The following RGS8 variants were observed in gnomAD, a reference collection of about 807,000 sequenced individuals.
RGS8 encodes the protein regulator of G-protein signaling 8.
RGS8 carries 8 observed loss-of-function variants against 21.7 expected under a neutral mutation model. The observed-to-expected ratio is 0.37, with a 90% CI of 0.22 to 0.66. The LOEUF (loss-of-function observed/expected upper bound fraction) is 0.66, where lower values mean the gene tolerates loss of function less well. Ranked by LOEUF, RGS8 falls within the 30% of genes least tolerant of loss-of-function variation. The probability of loss-of-function intolerance (pLI) is 0.59; values close to 1 mark genes in which losing one functional copy is unlikely to be tolerated. For synonymous variants in RGS8, 80 were observed against 83.6 expected (o/e 0.96, Z 0.24); for missense variants, 157 against 217.9 (o/e 0.72, Z 1.76).
the RGS8 span, among the ~76,000 whole-genome samples, chr1:182,739,427 A>G: frequency 6.6e-6 from 1 of 152,296 alleles, no homozygotes; most frequent in East Asian, 1.9e-4. Context: ...ACGTGGGGGA[A>G]CTGATGTTCT....
the RGS8 span, among the ~76,000 whole-genome samples, chr1:182,694,647 A>C: frequency 3.3e-5 from 5 of 152,222 alleles, no homozygotes; most frequent in African/African-American, 1.2e-4. Context: ...TCTCTACTAA[A>C]AATACAAAAA....
intron 5 of RGS8, 117 bp from the exon 7 acceptor site, chr1:182,648,420 C>T (rs1662809339): frequency 9.9e-7 from 1 of 1,008,208 alleles, no homozygotes; most frequent in Non-Finnish European, 1.5e-6. Flanking sequence ...AAGCTCACTG[C>T]TCCTCCACAC....
upstream of RGS8, among the ~76,000 whole-genome samples, chr1:182,676,419 A>G (rs1206897538): frequency 6.6e-6 from 1 of 152,168 alleles, no homozygotes; most frequent in African/African-American, 2.4e-5. Context: ...TTTAAAAGCA[A>G]TTTCCACTTC....
chr1:182,669,500 C>T (rs533333621), intron 3 of RGS8, 124 bp downstream of exon 4: 100 of 1,390,754 alleles, frequency 7.2e-5, no homozygotes, highest in Middle Eastern at 2.0e-4. Context: ...CCTATGGGGA[C>T]AGATGAAAGT....
the RGS8 span, among the ~76,000 whole-genome samples, chr1:182,711,695 C>T: frequency 1.3e-5 from 2 of 152,194 alleles, no homozygotes; most frequent in African/African-American, 2.4e-5. Flanking sequence ...TAACCTTTGT[C>T]TACCAGGAGC....
chr1:182,723,412 T>C, the RGS8 span, among the ~76,000 whole-genome samples: 1 of 152,204 alleles, frequency 6.6e-6, no homozygotes, highest in Non-Finnish European at 1.5e-5. Flanking sequence ...CCTCAGCTCC[T>C]TACTACATGG....
At chr1:182,745,013 A>T in the RGS8 span, among the ~76,000 whole-genome samples, 1 of 152,200 alleles carries the variant, frequency 6.6e-6, no homozygotes, top group African/African-American at 2.4e-5. Context: ...GAAATTATAC[A>T]TATATGGTCT....
At chr1:182,695,852 T>C in the RGS8 span, among the ~76,000 whole-genome samples, 2 of 152,146 alleles carry the variant, frequency 1.3e-5, no homozygotes, top group African/African-American at 4.8e-5. Flanking sequence ...TTAAGATAAA[T>C]ATTGGGTTAT....
chr1:182,748,472 G>A, the RGS8 span, among the ~76,000 whole-genome samples: 2 of 152,260 alleles, frequency 1.3e-5, no homozygotes, highest in Admixed American at 6.5e-5. Context: ...ATCCCATTGT[G>A]TATATACACC....
At chr1:182,662,761 T>C (rs537594059) in intron 5 of RGS8, among the ~76,000 whole-genome samples, 4 of 152,330 alleles carry the variant, frequency 2.6e-5, no homozygotes, top group South Asian at 2.1e-4. Flanking sequence ...TATGCATGCC[T>C]GTTCGCTCAG....
At chr1:182,675,115 C>T (rs566148230), upstream of RGS8, among the ~76,000 whole-genome samples, 1 of 152,272 alleles carries the variant, frequency 6.6e-6, no homozygotes, top group Non-Finnish European at 1.5e-5. Flanking sequence ...GCTATACTGT[C>T]TCTAAACAAT....
the RGS8 span, among the ~76,000 whole-genome samples, chr1:182,750,525 C>G: frequency 6.6e-6 from 1 of 152,174 alleles, no homozygotes; most frequent in Non-Finnish European, 1.5e-5. Context: ...AATTCTGTCA[C>G]AAAAGGTGAC....
the RGS8 span, among the ~76,000 whole-genome samples, chr1:182,716,227 G>T: frequency 6.6e-6 from 1 of 151,386 alleles, no homozygotes; most frequent in Non-Finnish European, 1.5e-5. Flanking sequence ...CCGGGTTCAA[G>T]CAATTCTCCT....
intron 1 of RGS8, among the ~76,000 whole-genome samples, chr1:182,680,331 C>T (rs1398210801): frequency 2.0e-5 from 3 of 152,228 alleles, no homozygotes; most frequent in Non-Finnish European, 4.4e-5. Flanking sequence ...AATAACTCTA[C>T]ACTTTCCATA....
At chr1:182,732,297 A>C in the RGS8 span, among the ~76,000 whole-genome samples, 1 of 151,734 alleles carries the variant, frequency 6.6e-6, no homozygotes, top group Non-Finnish European at 1.5e-5. Context: ...ACACACACAC[A>C]CACACCCACT....
the RGS8 span, among the ~76,000 whole-genome samples, chr1:182,744,800 T>C: frequency 6.6e-6 from 1 of 152,234 alleles, no homozygotes; most frequent in Non-Finnish European, 1.5e-5. Context: ...CATTAAACTA[T>C]GCATGTCTGT....
At chr1:182,678,701 T>C (rs1295775726) in intron 1 of RGS8, among the ~76,000 whole-genome samples, 2 of 152,212 alleles carry the variant, frequency 1.3e-5, no homozygotes, top group African/African-American at 4.8e-5. Context: ...GCCTGTTTGC[T>C]CACCTCCACA....
chr1:182,735,476 C>T, the RGS8 span, among the ~76,000 whole-genome samples: 1 of 152,194 alleles, frequency 6.6e-6, no homozygotes, highest in African/African-American at 2.4e-5. Flanking sequence ...TCATTTACAG[C>T]TCCAAAAAAA....
chr1:182,646,676 T>G, exon 7 of RGS8: 33 of 1,471,584 alleles, frequency 2.2e-5, no homozygotes, highest in Non-Finnish European at 2.9e-5. Context: ...CATTAGAATA[T>G]GATCTTGGCA....
Sources: gnomAD v4.1 joint callset for allele counts (sites outside exome capture counted in the v4.1 genomes callset) on GRCh38, gnomAD v4.1.1 for gene constraint, MANE v1.5 for transcripts, NCBI Gene and HGNC (gene_info 2026-07-23, HGNC 2026-07-21) for gene names.